AJUBA: variants seen among roughly 807,000 people sequenced by gnomAD.
AJUBA encodes the protein ajuba LIM protein.
In AJUBA, 20 loss-of-function variants were observed where a neutral mutation model predicts 53.3. The ratio of observed to expected loss-of-function variants is 0.38; its 90% CI spans 0.26 to 0.55. The LOEUF (loss-of-function observed/expected upper bound fraction) is 0.55, where lower values mean the gene tolerates loss of function less well. Ranked by LOEUF, AJUBA falls within the 20% of genes least tolerant of loss-of-function variation. The probability of loss-of-function intolerance (pLI) is 0.80; values close to 1 mark genes in which losing one functional copy is unlikely to be tolerated. For missense variants in AJUBA, 580 were observed against 730.5 expected, an observed-to-expected ratio of 0.79 and a Z score of 2.38; for synonymous variants, 296 against 306.2, an observed-to-expected ratio of 0.97 and a Z score of 0.35.
At chr14:22,976,431 T>G in intron 4 of AJUBA, 25 bp downstream of exon 4, 1 of 1,611,604 alleles carries the variant, frequency 6.2e-7, no homozygotes, top group Non-Finnish European at 8.5e-7. Flanking sequence ...CAGTGAGACT[T>G]CTCAGCTGAA....
rs1157030885 is a variant in AJUBA at position 22,974,068 on chromosome 14, G to A, written c.1470C>T (p.His490=). 4 of 1,614,100 alleles carry A rather than the reference G, an allele frequency of 2.5e-6. No homozygotes were observed. Among genetic ancestry groups the A allele is most frequent in the Non-Finnish European group, 3.4e-6 (4 of 1,180,014 alleles). ...VRVISMDRDY[H]FECYHCEDCR... ...TCACCTCACAGTGGTAGCACTCAAAGTGATAATCCCGGTCCATGGATATCA... is the reference window on the plus strand; with the variant it reads ...TCACCTCACAGTGGTAGCACTCAAAATGATAATCCCGGTCCATGGATATCA... The change falls in exon 7 of 8, where the codon CAC becomes CAT. Residue 490 remains histidine (H), a synonymous_variant. Coordinates refer to ENST00000262713, the MANE Select transcript of AJUBA (RefSeq NM_032876.6).
Position 22,982,195 on chromosome 14 carries a change from C to G in AJUBA, c.72G>C (p.Arg24=). 1.2e-6 allele frequency: 2 copies of G among 1,613,946 alleles called. No individual in the cohort carries two copies. Among genetic ancestry groups the G allele is most frequent in the Non-Finnish European group, 1.7e-6 (2 of 1,179,916 alleles). Residue 24 remains arginine (R), a synonymous_variant, in exon 1 of 8, where the codon CGG becomes CGC. Transcript: ENST00000262713. The part of the protein sequence containing the change: ...KFGRRKGESS[R]SGSDGTPGPG... Reference sequence around the variant, plus strand: ...GCCCGGGGGTCCCGTCAGACCCAGACCGGCTAGATTCACCCTTTCTGCGGC... The same window carrying G: ...GCCCGGGGGTCCCGTCAGACCCAGAGCGGCTAGATTCACCCTTTCTGCGGC...
intron 2 of AJUBA, among the ~76,000 whole-genome samples, chr14:22,977,899 A>T (rs1400219453): frequency 3.3e-5 from 5 of 151,440 alleles, no homozygotes; most frequent in Non-Finnish European, 5.9e-5. Flanking sequence ...AGGTGGCTGA[A>T]CTCTGACCAG....
In AJUBA at chr14:22,979,326, C is replaced by G. The variant is rs1220507716; in HGVS notation, c.1007-881G>C. On this transcript the variant is annotated intron_variant, in intron 1 of 7. Transcript: ENST00000262713. The surrounding 1 kb of genome is among the most constrained non-coding windows in gnomAD (Gnocchi z 4.0). Reference sequence around the variant, plus strand: ...GGGGAGCAGATCCCAACGGGCCTGCCCCACCTCTCCCCCTCGGCACGCTGC... The same window carrying G: ...GGGGAGCAGATCCCAACGGGCCTGCGCCACCTCTCCCCCTCGGCACGCTGC... Among the ~76,000 whole-genome samples, 1 of 152,214 alleles carries G rather than the reference C, an allele frequency of 6.6e-6. No homozygotes were observed. The highest frequency in any genetic ancestry group is 1.5e-5 in the Non-Finnish European group (1 of 68,036).
At position 22,974,066 on chromosome 14, in the gene AJUBA, A is replaced by G. The variant is rs746472468; in HGVS notation, c.1472T>C (p.Phe491Ser). The G allele has an allele frequency of 1.2e-6, 2 of 1,614,080 alleles. No homozygotes were observed. Among genetic ancestry groups the G allele is most frequent in the South Asian group, 2.2e-5 (2 of 91,070 alleles). The change falls in exon 7 of 8, where the codon TTT becomes TCT. Residue 491 changes from phenylalanine to serine, a missense_variant. Coordinates refer to ENST00000262713, the MANE Select transcript of AJUBA (RefSeq NM_032876.6). ...RVISMDRDYH[F>S]ECYHCEDCRM... ...ACTCACCTCACAGTGGTAGCACTCA[A>G]AGTGATAATCCCGGTCCATGGATAT...
At chr14:22,978,892 C>T (rs1031056287) in intron 1 of AJUBA, 6 of 1,284,708 alleles carry the variant, frequency 4.7e-6, no homozygotes, top group Admixed American at 2.3e-5. Flanking sequence ...GCCCAGAAAT[C>T]GTCTCTGGGA....
rs186366443 is a variant in AJUBA at position 22,978,500 on chromosome 14, C to T, written c.1007-55G>A. 1.8e-3 allele frequency: 2,792 copies of T among 1,582,010 alleles called. 8 individuals carry two copies. Among genetic ancestry groups the T allele is most frequent in the Non-Finnish European group, 2.2e-3 (2,543 of 1,155,982 alleles). On this transcript the variant is annotated intron_variant, in intron 1 of 7. Coordinates refer to ENST00000262713, the MANE Select transcript of AJUBA (RefSeq NM_032876.6). ...CCCCCAGGTCAAAACCAGGGATTCC[C>T]AAGCTTTCCTGACTGCCCTTTCCTG...
At chr14:22,974,625 G>A in intron 6 of AJUBA, 1 of 568,614 alleles carries the variant, frequency 1.8e-6, no homozygotes, top group South Asian at 2.4e-5. Context: ...GGATAGAAGA[G>A]ATGGAGCCTG....
intron 1 of AJUBA, chr14:22,978,688 C>A (rs2045060399): frequency 7.8e-7 from 1 of 1,286,074 alleles, no homozygotes; most frequent in African/African-American, 1.5e-5. Context: ...AACACAGCAC[C>A]ACTACCTAAG....
intron 4 of AJUBA, 94 bp from the exon 5 acceptor site, chr14:22,975,198 A>C: frequency 1.3e-6 from 2 of 1,490,344 alleles, no homozygotes; most frequent in Non-Finnish European, 9.1e-7. Context: ...AACCTCATCC[A>C]ACCCGCTGCT....
chr14:22,971,802 T>C lies in AJUBA; in HGVS notation c.*1641A>G, dbSNP rs1312690093. On this transcript the variant is annotated 3_prime_UTR_variant, in exon 8 of 8. Transcript: ENST00000262713. ...AATATTGGATTAAGAAACAAAAAAA[T>C]GATACACAAAATGTCTGTACCAATT... 2 of 152,310 alleles carry C rather than the reference T, an allele frequency of 1.3e-5. No individual in the cohort carries two copies. Among genetic ancestry groups the C allele is most frequent in the Non-Finnish European group, 1.5e-5 (1 of 68,014 alleles). 9.4% of individuals were successfully genotyped at this position (152,310 alleles called of 1,614,324 possible). A position where few individuals can be genotyped will look rare whatever the true frequency, so the allele number is the denominator to read the frequency against.
chr14:22,981,917 G>A lies in AJUBA; in HGVS notation c.350C>T (p.Ala117Val), dbSNP rs2045102723. ...GGCGAAGCTAGAGCGGGGGCTGAGG[G>A]CCGGGGCCGTGGGCTCCAGCCGAAA... ...PDFRLEPTAPALSPRSSFASS... is the reference protein window; with the variant it reads ...PDFRLEPTAPVLSPRSSFASS... The change falls in exon 1 of 8, where the codon GCC (alanine) becomes GTC (valine). Residue 117 changes from alanine (A) to valine (V), a missense_variant. By Grantham distance (64) the Ala-to-Val change is moderately conservative. This residue lies in a region of AJUBA where 430 missense variants were observed against 471.5 expected (regional missense o/e 0.91). Transcript: ENST00000262713. The A allele has an allele frequency of 1.3e-6, 2 of 1,556,152 alleles. No homozygotes were observed. Among genetic ancestry groups the A allele is most frequent in the Non-Finnish European group, 1.7e-6 (2 of 1,155,702 alleles).
chr14:22,982,166 C>T lies in AJUBA; in HGVS notation c.101G>A (p.Gly34Asp). The change falls in exon 1 of 8, where the codon GGC (glycine) becomes GAC (aspartate). Residue 34 changes from glycine to aspartate, a missense_variant. By Grantham distance (94) the Gly-to-Asp change is moderately conservative. Around this residue, in one of 2 missense-constraint regions of AJUBA, gnomAD observed 430 missense variants for 471.5 expected, o/e 0.91. Transcript: ENST00000262713. ...RSGSDGTPGP[G>D]KGRLSGLGGP... is the part of the protein sequence containing the mutation. ...CCCCAACCCACTTAGGCGCCCCTTG[C>T]CCGGCCCGGGGGTCCCGTCAGACCC... 3 of 1,612,830 alleles carry T rather than the reference C, an allele frequency of 1.9e-6. No individual in the cohort carries two copies. The highest frequency in any genetic ancestry group is 1.7e-6 in the Non-Finnish European group (2 of 1,179,452).
At chr14:22,978,637 A>C in intron 1 of AJUBA, 192 bp from the exon 2 acceptor site, 1 of 1,372,954 alleles carries the variant, frequency 7.3e-7, no homozygotes, top group South Asian at 1.6e-5. Context: ...TTGTTTATTT[A>C]ATTACTCAAC....
chr14:22,981,900 T>G lies in AJUBA; in HGVS notation c.367A>C (p.Ser123Arg), dbSNP rs1347974004. The change falls in exon 1 of 8, where the codon AGC (serine) becomes CGC (arginine). Residue 123 changes from serine to arginine, a missense_variant. Around this residue, in one of 2 missense-constraint regions of AJUBA, gnomAD observed 430 missense variants for 471.5 expected, o/e 0.91. Transcript: ENST00000262713. ...TCGCTGGCCGAGCTACTGGCGAAGCTAGAGCGGGGGCTGAGGGCCGGGGCC... is the reference window on the plus strand; with the variant it reads ...TCGCTGGCCGAGCTACTGGCGAAGCGAGAGCGGGGGCTGAGGGCCGGGGCC... ...PTAPALSPRS[S>R]FASSSASDAS... 1 of 1,549,290 alleles carries G rather than the reference T, an allele frequency of 6.5e-7. No individual in the cohort carries two copies. The highest frequency in any genetic ancestry group is 2.0e-5 in the Admixed American group (1 of 51,138).
chr14:22,974,036 C>A lies in AJUBA; in HGVS notation c.1491+11G>T, dbSNP rs565841566. ...ACTTCTTCTCCAGCACCGCTGAACC[C>A]CAACACTCACCTCACAGTGGTAGCA... On this transcript the variant is annotated intron_variant, in intron 7 of 7. Coordinates refer to ENST00000262713, the MANE Select transcript of AJUBA (RefSeq NM_032876.6). The A allele has an allele frequency of 1.4e-5, 23 of 1,614,110 alleles. No individual in the cohort carries two copies. In the Admixed American group the frequency reaches 2.8e-4, roughly 20 times the overall value.
Position 22,976,718 on chromosome 14 carries a change from A to T in AJUBA, c.1109-6T>A. ...CTTGCAACGCAAAGTTCGCCCTAGA[A>T]ACAATAGAGAAGGGGCTGGAACCTA... On this transcript the variant is annotated splice_polypyrimidine_tract_variant and splice_region_variant and intron_variant, in intron 2 of 7. Coordinates refer to ENST00000262713, the MANE Select transcript of AJUBA (RefSeq NM_032876.6). The T allele has an allele frequency of 6.2e-7, 1 of 1,613,820 alleles. No individual in the cohort carries two copies. The highest frequency in any genetic ancestry group is 8.5e-7 in the Non-Finnish European group (1 of 1,179,934).
intron 1 of AJUBA, 109 bp downstream of exon 1, chr14:22,981,152 G>C: frequency 7.4e-7 from 1 of 1,352,384 alleles, no homozygotes; most frequent in Admixed American, 2.5e-5. Flanking sequence ...TCCTAGTCCC[G>C]CGTCTTCACC....
intron 2 of AJUBA, 99 bp from the exon 3 acceptor site, chr14:22,976,811 G>C (rs1423924795): frequency 1.3e-6 from 2 of 1,513,662 alleles, no homozygotes; most frequent in Non-Finnish European, 8.8e-7. Context: ...ATTTAAACCT[G>C]GACTTTGTGC....
Sources: gnomAD v4.1 joint callset for allele counts (sites outside exome capture counted in the v4.1 genomes callset) on GRCh38, gnomAD v4.1.1 for gene constraint, gnomAD v4.1.1 regional missense constraint, Gnocchi (gnomAD v3.1) non-coding constraint, MANE v1.5 for transcripts, NCBI Gene and HGNC (gene_info 2026-07-23, HGNC 2026-07-21) for gene names.